Variants in DENND2B observed in about 807,000 individuals in gnomAD.
DENND2B encodes DENN domain-containing protein 2B.
In DENND2B, 32 loss-of-function variants were observed where a neutral mutation model predicts 116.0. The ratio of observed to expected loss-of-function variants is 0.28; its 90% CI spans 0.21 to 0.37. DENND2B has a LOEUF of 0.37. Among genes scored for constraint, DENND2B ranks in the 10% least tolerant of loss-of-function variants. The pLI is 1.00. For missense variants in DENND2B, 1,276 were observed against 1,477.7 expected (o/e 0.86, Z 2.24); for synonymous variants, 588 against 583.9 (o/e 1.01, Z -0.10).
chr11:8,744,447 T>C (rs897848925), intron 2 of DENND2B, among the ~76,000 whole-genome samples: 3 of 152,072 alleles, frequency 2.0e-5, no homozygotes, highest in Non-Finnish European at 4.4e-5. Context: ...CCATGAAGTT[T>C]TTAAAGGAAA....
At chr11:8,763,393 C>T (rs1205550976) in intron 1 of DENND2B, among the ~76,000 whole-genome samples, 1 of 151,864 alleles carries the variant, frequency 6.6e-6, no homozygotes, top group Non-Finnish European at 1.5e-5. Flanking sequence ...TAGTTTTATA[C>T]CCATCAGAAA....
intron 1 of DENND2B, chr11:8,776,198 C>A (rs1283445142): frequency 2.5e-6 from 1 of 403,142 alleles, no homozygotes; most frequent in South Asian, 1.6e-5. Flanking sequence ...CTACCTCTCT[C>A]CAGGCAGGAC....
At chr11:8,839,999 GT>G (rs1342414309) in intron 3 of DENND2B, among the ~76,000 whole-genome samples, 1 of 151,760 alleles carries the variant, frequency 6.6e-6, no homozygotes, top group Non-Finnish European at 1.5e-5. Context: ...GAGTTTTGGG[GT>G]TTTTTTTCAA....
At chr11:8,715,532 AAG>A (rs749201671) in intron 6 of DENND2B, 69 bp downstream of exon 6, 27 of 1,504,382 alleles carry the variant, frequency 1.8e-5, no homozygotes, top group Non-Finnish European at 2.4e-5. Context: ...GAAGCCAGGA[AAG>A]AGAGAGAAAG....
In DENND2B at chr11:8,829,942, C is replaced by T. The variant is rs749588768; in HGVS notation, c.-115+9368G>A. On this transcript the variant is annotated intron_variant, in intron 4 of 6. Coordinates refer to the DENND2B transcript ENST00000524757. ...TTGGTTAGCTCTCACAGGTCAGAAA[C>T]GTTGGTGTCTTCCGTCTTGCCCCTC... Among the ~76,000 whole-genome samples, 124 of 152,280 alleles carry T rather than the reference C, an allele frequency of 8.1e-4. 1 individual carries two copies. Among genetic ancestry groups the T allele is most frequent in the Admixed American group, 1.2e-3 (18 of 15,300 alleles).
chr11:8,831,047 G>A (rs1293213851), intron 4 of DENND2B, among the ~76,000 whole-genome samples: 2 of 152,130 alleles, frequency 1.3e-5, no homozygotes, highest in African/African-American at 4.8e-5. Flanking sequence ...CATGAGAAGG[G>A]CTCTATACCC....
rs4929909 is a variant in DENND2B, at chr11:8,712,216, C to T, written c.2172+335G>A. ...GGTGATAAAAATGTTCTAAAATTGA[C>T]TGTGGTGATGATTGCACAATTCTGT... is the stretch of plus-strand genomic sequence containing the variant. On this transcript the variant is annotated intron_variant, in intron 9 of 19. Coordinates refer to ENST00000313726, the MANE Select transcript of DENND2B (RefSeq NM_213618.2). The surrounding 1 kb of genome is among the most constrained non-coding windows in gnomAD (Gnocchi z 4.4). Among the ~76,000 whole-genome samples the T allele has an allele frequency of 0.97, 148,517 of 152,332 alleles. 72,480 individuals carry two copies. Among genetic ancestry groups the T allele is most frequent in the Non-Finnish European group, 1 (67,917 of 68,036 alleles).
chr11:8,751,246 C>A (rs545855701), intron 1 of DENND2B, among the ~76,000 whole-genome samples: 14 of 152,230 alleles, frequency 9.2e-5, no homozygotes, highest in African/African-American at 3.1e-4. Flanking sequence ...ACTTTTCTGT[C>A]TAGCTCAGGG....
intron 2 of DENND2B, among the ~76,000 whole-genome samples, chr11:8,742,916 T>C (rs1179286297): frequency 1.3e-5 from 2 of 151,970 alleles, no homozygotes; most frequent in African/African-American, 4.8e-5. Flanking sequence ...AATACAAAAT[T>C]AGCCAGGCAT....
intron 3 of DENND2B, among the ~76,000 whole-genome samples, chr11:8,851,563 G>A (rs893530492): frequency 1.3e-5 from 2 of 152,168 alleles, no homozygotes; most frequent in Admixed American, 1.3e-4. Flanking sequence ...GTGTACACAG[G>A]TTAAAGACTT....
chr11:8,890,125 C>G (rs1011046843), intron 1 of DENND2B, among the ~76,000 whole-genome samples: 1 of 152,074 alleles, frequency 6.6e-6, no homozygotes, highest in Non-Finnish European at 1.5e-5. Flanking sequence ...GATACCCAGG[C>G]AAACAGGGTC....
intron 16 of DENND2B, among the ~76,000 whole-genome samples, chr11:8,698,379 T>C (rs2040841076): frequency 6.6e-6 from 1 of 152,168 alleles, no homozygotes; most frequent in African/African-American, 2.4e-5. Flanking sequence ...TCACTATGCC[T>C]GGTACCCAGG....
chr11:8,704,778 A>T (rs1464847021), intron 13 of DENND2B, among the ~76,000 whole-genome samples: 1 of 152,014 alleles, frequency 6.6e-6, no homozygotes, highest in Non-Finnish European at 1.5e-5. Flanking sequence ...ACTCACTACA[A>T]TCTTCACCTC....
intron 1 of DENND2B, among the ~76,000 whole-genome samples, chr11:8,891,609 T>G (rs2455602): frequency 0.29 from 43,941 of 151,770 alleles, 7,198 homozygotes; most frequent in South Asian, 0.45. Flanking sequence ...TGATAAAACA[T>G]ACTTTAAACC....
At chr11:8,729,190 G>A (rs1015981699) in intron 3 of DENND2B, among the ~76,000 whole-genome samples, 1 of 152,160 alleles carries the variant, frequency 6.6e-6, no homozygotes, top group East Asian at 1.9e-4. Context: ...TAAGGTGTAG[G>A]AGGATAAGTA....
intron 4 of DENND2B, among the ~76,000 whole-genome samples, chr11:8,833,084 G>A (rs1421751664): frequency 6.6e-6 from 1 of 152,262 alleles, no homozygotes; most frequent in Non-Finnish European, 1.5e-5. Flanking sequence ...CGGAGGGGAA[G>A]CCCAACATCT....
At chr11:8,723,858 A>T (rs905714342) in intron 4 of DENND2B, among the ~76,000 whole-genome samples, 1 of 152,226 alleles carries the variant, frequency 6.6e-6, no homozygotes, top group African/African-American at 2.4e-5. Context: ...GCATGGCTAC[A>T]TACTATACGC....
intron 1 of DENND2B, among the ~76,000 whole-genome samples, chr11:8,802,232 T>A (rs969320914): frequency 2.0e-5 from 3 of 147,740 alleles, no homozygotes; most frequent in Admixed American, 1.4e-4. Flanking sequence ...ACCCAGGAGA[T>A]GGAAGTTGCA....
In DENND2B at chr11:8,712,495, G is replaced by A. The variant is rs1296004628; in HGVS notation, c.2172+56C>T. ...CTCTCCTTCCCCAGATAGGCCTGGC[G>A]GATAGAGGATGGAAGAGGGGGAATA... is the stretch of plus-strand genomic sequence containing the variant. On this transcript the variant is annotated intron_variant, in intron 9 of 19. Transcript: ENST00000313726. This position sits in a 1 kb window ranked among gnomAD's most constrained non-coding sequence, Gnocchi z 4.4. 11 of 1,505,240 alleles carry A rather than the reference G, an allele frequency of 7.3e-6. No individual in the cohort carries two copies. The highest frequency in any genetic ancestry group is 7.0e-5 in the African/African-American group (5 of 71,884). 93.2% of individuals were successfully genotyped at this position (1,505,240 alleles called of 1,614,324 possible).
Sources: allele counts gnomAD v4.1 joint callset (sites outside exome capture counted in the v4.1 genomes callset), GRCh38; gene constraint gnomAD v4.1.1; non-coding constraint Gnocchi (gnomAD v3.1); transcripts MANE v1.5; gene names NCBI Gene and HGNC (gene_info 2026-07-23, HGNC 2026-07-21).